The following CDH13 variants were observed in gnomAD, a reference collection of about 807,000 sequenced individuals.
CDH13 encodes the protein cadherin-13.
Under a neutral mutation model 63.8 loss-of-function variants are expected in CDH13, and 24 were observed. That is an observed-to-expected ratio of 0.38 (90% CI 0.27 to 0.53). CDH13 has a LOEUF of 0.53. Among genes scored for constraint, CDH13 ranks in the 20% least tolerant of loss-of-function variants. The pLI, the probability that CDH13 is intolerant of heterozygous loss-of-function variation, is 0.85. For synonymous variants in CDH13, 503 were observed against 355.3 expected, an observed-to-expected ratio of 1.42 and a Z score of -4.67; for missense variants, 1,049 against 903.1, an observed-to-expected ratio of 1.16 and a Z score of -2.07.
chr16:83,059,244 A>C (rs1181993604), intron 3 of CDH13, among the ~76,000 whole-genome samples: 1 of 152,194 alleles, frequency 6.6e-6, no homozygotes, highest in Non-Finnish European at 1.5e-5. Flanking sequence ...CATCCACCTG[A>C]AAAATAGAGG....
chr16:83,675,538 CA>C (rs1914884776), intron 9 of CDH13, among the ~76,000 whole-genome samples: 1 of 152,172 alleles, frequency 6.6e-6, no homozygotes, highest in East Asian at 1.9e-4. Context: ...CTTGCTTCCC[CA>C]CTCTTCTTCC....
intron 4 of CDH13, among the ~76,000 whole-genome samples, chr16:83,197,387 A>G (rs764130553): frequency 6.6e-6 from 1 of 152,096 alleles, no homozygotes; most frequent in Non-Finnish European, 1.5e-5. Context: ...TTGTGGTGCA[A>G]ATAATGCAAT....
chr16:83,250,439 G>A (rs1449237658), intron 5 of CDH13, among the ~76,000 whole-genome samples: 4 of 152,138 alleles, frequency 2.6e-5, no homozygotes, highest in East Asian at 1.9e-4. Context: ...ATTTCGGGGC[G>A]TGATGAGCCC....
chr16:83,089,284 C>T (rs1226454448), intron 3 of CDH13, among the ~76,000 whole-genome samples: 2 of 152,188 alleles, frequency 1.3e-5, no homozygotes, highest in Non-Finnish European at 2.9e-5. Context: ...GACTTTTGGT[C>T]CTTCATAAAT....
At chr16:82,630,432 C>T (rs954216015) in intron 1 of CDH13, among the ~76,000 whole-genome samples, 1 of 152,196 alleles carries the variant, frequency 6.6e-6, no homozygotes, top group Admixed American at 6.5e-5. Flanking sequence ...AAAGCCCCAA[C>T]AGTCATCTTA....
At chr16:83,438,800 CTG>C (rs1334525993) in intron 6 of CDH13, among the ~76,000 whole-genome samples, 2 of 152,314 alleles carry the variant, frequency 1.3e-5, no homozygotes, top group East Asian at 3.9e-4. Context: ...ACGTTTGAGA[CTG>C]TGCCAGAAAG....
In CDH13 at chr16:82,769,655, G is replaced by A. The variant is rs74932459; in HGVS notation, c.46-88707G>A. ...CTTATGATAGGAATTGATTGAGGAG[G>A]ATAGGAGCAATTCCATGATGCCCTA... On this transcript the variant is annotated intron_variant, in intron 1 of 13. Transcript: ENST00000567109. Among the ~76,000 whole-genome samples, 1,348 of 152,304 alleles carry A rather than the reference G, an allele frequency of 8.9e-3. 8 individuals carry two copies. The highest frequency in any genetic ancestry group is 0.027 in the Middle Eastern group (8 of 294).
chr16:83,364,582 G>C (rs17212165), intron 6 of CDH13, among the ~76,000 whole-genome samples: 13,109 of 152,202 alleles, frequency 0.086, 792 homozygotes, highest in Non-Finnish European at 0.13. Flanking sequence ...TAAACTCATA[G>C]GTTTTTACCA....
chr16:82,692,470 CT>C (rs1915739086), intron 1 of CDH13, among the ~76,000 whole-genome samples: 2 of 151,850 alleles, frequency 1.3e-5, no homozygotes, highest in Non-Finnish European at 2.9e-5. Context: ...GGAAACTCTC[CT>C]TTATAAAACC....
At chr16:82,928,360 C>T (rs893111710) in intron 2 of CDH13, among the ~76,000 whole-genome samples, 4 of 152,174 alleles carry the variant, frequency 2.6e-5, no homozygotes, top group Admixed American at 1.3e-4. Context: ...GGACCCATTG[C>T]ATGTGGCATT....
chr16:83,208,469 T>TG (rs112477342), intron 4 of CDH13, among the ~76,000 whole-genome samples: 1 of 150,752 alleles, frequency 6.6e-6, no homozygotes, highest in African/African-American at 2.5e-5. Flanking sequence ...AAGGCAACAG[T>TG]GTTTTTTTTT....
chr16:83,637,225 C>T (rs554165470), intron 8 of CDH13, among the ~76,000 whole-genome samples: 2 of 151,346 alleles, frequency 1.3e-5, no homozygotes, highest in South Asian at 2.1e-4. Flanking sequence ...ATATCAAAAA[C>T]GTCTAATAGA....
At chr16:83,717,343 T>C (rs12444180) in intron 10 of CDH13, among the ~76,000 whole-genome samples, 20,949 of 152,210 alleles carry the variant, frequency 0.14, 1,609 homozygotes, top group Middle Eastern at 0.26. Flanking sequence ...CCTGACTTCT[T>C]CCCCACTTTT....
chr16:83,313,602 G>C (rs1232144133), intron 5 of CDH13, among the ~76,000 whole-genome samples: 1 of 148,366 alleles, frequency 6.7e-6, no homozygotes, highest in African/African-American at 2.5e-5. Flanking sequence ...ATTTTGACAT[G>C]GGCAGTGCCA....
intron 5 of CDH13, among the ~76,000 whole-genome samples, chr16:83,337,947 G>A (rs193150288): frequency 6.6e-6 from 1 of 151,922 alleles, no homozygotes; most frequent in Admixed American, 6.6e-5. Context: ...AAAATGTAAG[G>A]GAGTCCATGC....
chr16:82,680,071 C>G (rs755410664), intron 1 of CDH13, among the ~76,000 whole-genome samples: 2 of 152,116 alleles, frequency 1.3e-5, no homozygotes, highest in Admixed American at 1.3e-4. Context: ...CACTCTCATC[C>G]CTCCACTGGG....
intron 6 of CDH13, among the ~76,000 whole-genome samples, chr16:83,433,531 A>T (rs2072193600): frequency 6.6e-6 from 1 of 152,230 alleles, no homozygotes. Flanking sequence ...TACCAAAGGC[A>T]GCTGGCCTCA....
chr16:83,490,424 G>T (rs888228578), intron 7 of CDH13, among the ~76,000 whole-genome samples: 2 of 152,160 alleles, frequency 1.3e-5, no homozygotes, highest in Non-Finnish European at 2.9e-5. Context: ...TCCTTACTAT[G>T]TTGTCACTTT....
chr16:82,975,702 C>T (rs1172531458), intron 2 of CDH13, among the ~76,000 whole-genome samples: 2 of 152,138 alleles, frequency 1.3e-5, no homozygotes, highest in African/African-American at 4.8e-5. Flanking sequence ...CTGCAGGATC[C>T]ATTGCTGACC....
Sources: allele counts gnomAD v4.1 joint callset (sites outside exome capture counted in the v4.1 genomes callset), GRCh38; gene constraint gnomAD v4.1.1; transcripts MANE v1.5; gene names NCBI Gene and HGNC (gene_info 2026-07-23, HGNC 2026-07-21).